MBNL2: variants seen among roughly 807,000 people sequenced by gnomAD.
MBNL2 encodes the protein muscleblind like splicing regulator 2, also known as muscleblind-like protein 2.
A neutral mutation model predicts 41.9 loss-of-function variants in MBNL2; 17 were observed. That is an observed-to-expected ratio of 0.41 (90% confidence interval 0.28 to 0.61). MBNL2 has a LOEUF of 0.61. Among genes scored for constraint, MBNL2 ranks in the 20% least tolerant of loss-of-function variants. The probability of loss-of-function intolerance (pLI) is 0.35; values close to 1 mark genes in which losing one functional copy is unlikely to be tolerated. For synonymous variants in MBNL2, 195 were observed against 182.9 expected (o/e 1.07, Z -0.53); for missense variants, 336 against 505.6 (o/e 0.66, Z 3.22).
At chr13:97,155,000 C>T in the MBNL2 span, among the ~76,000 whole-genome samples, 1 of 152,122 alleles carries the variant, frequency 6.6e-6, no homozygotes. Context: ...CCTATGACTC[C>T]TATGCAGTCA....
the MBNL2 span, among the ~76,000 whole-genome samples, chr13:97,178,133 A>C: frequency 1.3e-5 from 2 of 152,250 alleles, no homozygotes; most frequent in Admixed American, 1.3e-4. Context: ...AATCCACAGG[A>C]TTCTGGCAAA....
chr13:97,323,345 T>A (rs2059656241), intron 2 of MBNL2, among the ~76,000 whole-genome samples: 1 of 152,200 alleles, frequency 6.6e-6, no homozygotes, highest in Non-Finnish European at 1.5e-5. Context: ...GAACCCAACA[T>A]TTACTAAACA....
the MBNL2 span, among the ~76,000 whole-genome samples, chr13:97,149,823 T>G: frequency 6.6e-6 from 1 of 152,152 alleles, no homozygotes; most frequent in Non-Finnish European, 1.5e-5. Flanking sequence ...CTGTTTTGGT[T>G]CCCATATTTG....
intron 2 of MBNL2, among the ~76,000 whole-genome samples, chr13:97,278,807 C>T (rs954647352): frequency 1.3e-5 from 2 of 152,134 alleles, no homozygotes; most frequent in African/African-American, 2.4e-5. Flanking sequence ...AATTTGAGTG[C>T]AACATTACAC....
At chr13:97,280,424 A>G (rs944483052) in intron 2 of MBNL2, among the ~76,000 whole-genome samples, 1 of 152,224 alleles carries the variant, frequency 6.6e-6, no homozygotes, top group African/African-American at 2.4e-5. Flanking sequence ...TAGTATTGCT[A>G]ATTTTGGTTG....
the MBNL2 span, among the ~76,000 whole-genome samples, chr13:97,151,557 C>T: frequency 6.6e-6 from 1 of 152,106 alleles, no homozygotes; most frequent in African/African-American, 2.4e-5. Flanking sequence ...GTAAATACTC[C>T]CACCAAAGCT....
chr13:97,380,466 C>G (rs2065339930), intron 8 of MBNL2, among the ~76,000 whole-genome samples: 1 of 151,762 alleles, frequency 6.6e-6, no homozygotes, highest in Non-Finnish European at 1.5e-5. Context: ...TGCACTCCAG[C>G]CTGGGCAACA....
intron 2 of MBNL2, among the ~76,000 whole-genome samples, chr13:97,303,031 C>T (rs2057781812): frequency 6.6e-6 from 1 of 152,126 alleles, no homozygotes; most frequent in Non-Finnish European, 1.5e-5. Flanking sequence ...TCGAACTGGG[C>T]CCTATGTGAT....
At chr13:97,290,601 G>A (rs1219886580) in intron 2 of MBNL2, among the ~76,000 whole-genome samples, 1 of 151,370 alleles carries the variant, frequency 6.6e-6, no homozygotes, top group African/African-American at 2.4e-5. Flanking sequence ...GCGTGAACCC[G>A]GGAAGCGGAG....
At chr13:97,269,110 C>T (rs557194033) in intron 1 of MBNL2, among the ~76,000 whole-genome samples, 5 of 152,226 alleles carry the variant, frequency 3.3e-5, no homozygotes, top group East Asian at 3.9e-4. Flanking sequence ...GAGAAATAAT[C>T]GGGGGCAACT....
At chr13:97,350,198 T>G (rs1566434484) in intron 5 of MBNL2, among the ~76,000 whole-genome samples, 1 of 152,254 alleles carries the variant, frequency 6.6e-6, no homozygotes, top group South Asian at 2.1e-4. Flanking sequence ...CTGTGGTCTA[T>G]TAAATGTGCA....
the MBNL2 span, among the ~76,000 whole-genome samples, chr13:97,154,821 G>GGAT: frequency 6.6e-6 from 1 of 151,858 alleles, no homozygotes; most frequent in Non-Finnish European, 1.5e-5. Flanking sequence ...ATGGATGGAT[G>GGAT]GATGGATGGA....
At chr13:97,331,843 T>C (rs570853413) in intron 2 of MBNL2, among the ~76,000 whole-genome samples, 1 of 152,362 alleles carries the variant, frequency 6.6e-6, no homozygotes, top group South Asian at 2.1e-4. Flanking sequence ...ATTGATAAAC[T>C]ACTAATTCAA....
At chr13:97,212,722 C>G in the MBNL2 span, among the ~76,000 whole-genome samples, 4 of 152,168 alleles carry the variant, frequency 2.6e-5, no homozygotes, top group Non-Finnish European at 5.9e-5. Context: ...TTGTGCTTGA[C>G]TCAGTATAAT....
chr13:97,249,293 G>A (rs997289579), intron 1 of MBNL2, among the ~76,000 whole-genome samples: 1 of 152,192 alleles, frequency 6.6e-6, no homozygotes, highest in Non-Finnish European at 1.5e-5. Flanking sequence ...TCCCTAGATG[G>A]TGGTGACATT....
chr13:97,167,723 T>C, the MBNL2 span, among the ~76,000 whole-genome samples: 4 of 152,312 alleles, frequency 2.6e-5, no homozygotes, highest in South Asian at 2.1e-4. Context: ...TTAGAAGTAA[T>C]GACATTCCTG....
chr13:97,169,360 T>G, the MBNL2 span, among the ~76,000 whole-genome samples: 2 of 152,190 alleles, frequency 1.3e-5, no homozygotes, highest in African/African-American at 4.8e-5. Flanking sequence ...CAATAGTGTT[T>G]CAGACACTCT....
the MBNL2 span, among the ~76,000 whole-genome samples, chr13:97,176,472 G>A: frequency 6.6e-6 from 1 of 152,046 alleles, no homozygotes; most frequent in African/African-American, 2.4e-5. Flanking sequence ...ATGGTAGAGG[G>A]AGGCATAAAA....
chr13:97,323,959 T>C (rs2059709083), intron 2 of MBNL2, among the ~76,000 whole-genome samples: 1 of 152,200 alleles, frequency 6.6e-6, no homozygotes. Flanking sequence ...TTTAAAAATA[T>C]ACCATTAAGT....
Sources: gnomAD v4.1 joint callset for allele counts (sites outside exome capture counted in the v4.1 genomes callset) on GRCh38, gnomAD v4.1.1 for gene constraint, MANE v1.5 for transcripts, NCBI Gene and HGNC (gene_info 2026-07-23, HGNC 2026-07-21) for gene names.